The following DLGAP2 variants were observed in gnomAD, a reference collection of about 807,000 sequenced individuals.
DLGAP2 encodes the protein DLG associated protein 2.
A neutral mutation model predicts 100.3 loss-of-function variants in DLGAP2; 26 were observed. The observed-to-expected ratio is 0.26, with a 90% CI of 0.19 to 0.36. DLGAP2 has a LOEUF of 0.36. Ranked by LOEUF, DLGAP2 falls within the 10% of genes least tolerant of loss-of-function variation. The pLI is 1.00. For synonymous variants in DLGAP2, 886 were observed against 630.1 expected (o/e 1.41, Z -6.08); for missense variants, 1,858 against 1,453.2 (o/e 1.28, Z -4.53).
intron 2 of DLGAP2, among the ~76,000 whole-genome samples, chr8:1,088,788 A>G (rs1310438780): frequency 9.3e-4 from 25 of 26,988 alleles, no homozygotes; most frequent in Middle Eastern, 0.024. Context: ...TGCAATTCTC[A>G]CTCCCCCCAC....
chr8:1,151,774 C>T (rs80204892), intron 2 of DLGAP2, among the ~76,000 whole-genome samples: 1 of 152,184 alleles, frequency 6.6e-6, no homozygotes, highest in African/African-American at 2.4e-5. Flanking sequence ...TTAGGTTGTT[C>T]TGTTTACACG....
intron 2 of DLGAP2, among the ~76,000 whole-genome samples, chr8:1,020,288 A>G (rs1312749902): frequency 6.6e-6 from 1 of 152,186 alleles, no homozygotes; most frequent in Non-Finnish European, 1.5e-5. Context: ...GTGACCGTTA[A>G]TTGCTAACCT....
intron 3 of DLGAP2, among the ~76,000 whole-genome samples, chr8:1,377,413 A>G (rs747944639): frequency 1.6e-4 from 25 of 152,318 alleles, no homozygotes; most frequent in Non-Finnish European, 2.8e-4. Context: ...GCGAGGTGGC[A>G]GGCGCCTATA....
chr8:985,694 CTT>C (rs1292333098), intron 2 of DLGAP2, among the ~76,000 whole-genome samples: 1 of 152,136 alleles, frequency 6.6e-6, no homozygotes, highest in Non-Finnish European at 1.5e-5. Flanking sequence ...AATATTTTGC[CTT>C]TGTTAATTTC....
intron 2 of DLGAP2, among the ~76,000 whole-genome samples, chr8:1,048,645 C>T (rs191458609): frequency 1.3e-5 from 2 of 151,844 alleles, no homozygotes; most frequent in Non-Finnish European, 2.9e-5. Context: ...GGGCTCAAAC[C>T]ACATGCCTTG....
chr8:1,475,135 G>C (rs1318891844), intron 3 of DLGAP2, among the ~76,000 whole-genome samples: 2 of 152,208 alleles, frequency 1.3e-5, no homozygotes, highest in East Asian at 3.9e-4. Context: ...AATACTGCAC[G>C]TTCTCACTCA....
At chr8:1,666,148 T>C (rs557179403) in intron 8 of DLGAP2, among the ~76,000 whole-genome samples, 1 of 152,324 alleles carries the variant, frequency 6.6e-6, no homozygotes, top group South Asian at 2.1e-4. Context: ...CTTGGGAACT[T>C]TCTGAGTCTC....
At chr8:1,284,650 T>G (rs10100618) in intron 3 of DLGAP2, among the ~76,000 whole-genome samples, 4 of 151,992 alleles carry the variant, frequency 2.6e-5, no homozygotes, top group Admixed American at 6.5e-5. Flanking sequence ...TTATTATTAT[T>G]TTGCTCTGTC....
intron 1 of DLGAP2, among the ~76,000 whole-genome samples, chr8:738,382 G>T (rs556357753): frequency 2.0e-5 from 3 of 151,912 alleles, no homozygotes; most frequent in Admixed American, 2.0e-4. Flanking sequence ...GTGCCGGGCA[G>T]CAGCGGCTGC....
chr8:1,028,279 T>C lies in DLGAP2; in HGVS notation c.73+120313T>C, dbSNP rs1291458065. Among the ~76,000 whole-genome samples, 3 of 138,284 alleles carry C rather than the reference T, an allele frequency of 2.2e-5. No individual in the cohort carries two copies. The East Asian group carries it at 7.0e-4, about 32-fold the overall frequency. 90.7% of individuals were successfully genotyped at this position (138,284 alleles called of 152,430 possible). On this transcript the variant is annotated intron_variant, in intron 2 of 14. Coordinates refer to ENST00000637795, the MANE Select transcript of DLGAP2 (RefSeq NM_001346810.2). ...GGCGCCCGTTATTCTCCAGGTGGGG[T>C]GTCAGGCGCCCGTTATTCTCCAGGT...
At chr8:1,369,016 A>C (rs1272203663) in intron 3 of DLGAP2, 1 of 152,190 alleles carries the variant, frequency 6.6e-6, no homozygotes, top group Non-Finnish European at 1.5e-5. Flanking sequence ...CGGTGCCCGG[A>C]GTGGGACACA....
chr8:1,462,361 A>G (rs1214512140), intron 3 of DLGAP2, among the ~76,000 whole-genome samples: 2 of 91,482 alleles, frequency 2.2e-5, no homozygotes, highest in Non-Finnish European at 4.4e-5. Context: ...GCAGTCGCTG[A>G]TTCAGTGACC....
Position 1,079,757 on chromosome 8 carries a change from C to T in DLGAP2, c.73+171791C>T, listed in dbSNP as rs551818076. On this transcript the variant is annotated intron_variant, in intron 2 of 14. Coordinates refer to ENST00000637795, the MANE Select transcript of DLGAP2 (RefSeq NM_001346810.2). The stretch of plus-strand genomic sequence containing the variant: ...GACATAAATAGCAGCAATCCAAGGC[C>T]GATGAGAAGTGTCTGCAAGATGAGC... Among the ~76,000 whole-genome samples the T allele has an allele frequency of 4.6e-5, 7 of 152,176 alleles. No individual in the cohort carries two copies. The South Asian group carries it at 6.3e-4, about 14-fold the overall frequency.
intron 2 of DLGAP2, among the ~76,000 whole-genome samples, chr8:1,114,931 C>T (rs1563199547): frequency 6.6e-6 from 1 of 152,148 alleles, no homozygotes; most frequent in Non-Finnish European, 1.5e-5. Context: ...TTCTTGATTT[C>T]TGCCTTAATT....
chr8:1,032,981 G>C (rs541636490), intron 2 of DLGAP2: 1 of 152,392 alleles, frequency 6.6e-6, no homozygotes, highest in East Asian at 1.9e-4. Context: ...GATACCCAAA[G>C]GGTGATCGTG....
At chr8:1,258,198 T>C (rs1028597905) in intron 2 of DLGAP2, among the ~76,000 whole-genome samples, 2 of 152,236 alleles carry the variant, frequency 1.3e-5, no homozygotes, top group Admixed American at 1.3e-4. Context: ...TGAAAGGAGA[T>C]GTAACAGAGC....
intron 2 of DLGAP2, among the ~76,000 whole-genome samples, chr8:1,037,365 C>T (rs1172715798): frequency 6.6e-6 from 1 of 152,144 alleles, no homozygotes; most frequent in Non-Finnish European, 1.5e-5. Context: ...ATCTGCTGTT[C>T]CGCCTCGGGC....
chr8:1,640,648 C>T (rs539305939), intron 8 of DLGAP2, among the ~76,000 whole-genome samples: 2 of 152,270 alleles, frequency 1.3e-5, no homozygotes, highest in South Asian at 4.1e-4. Flanking sequence ...GACGCCATCC[C>T]TGTGTCCCGG....
chr8:816,304 A>G (rs1296152721), intron 1 of DLGAP2, among the ~76,000 whole-genome samples: 5 of 140,258 alleles, frequency 3.6e-5, no homozygotes, highest in African/African-American at 1.3e-4. Context: ...CATTGTTGTT[A>G]TATGTAATAG....
Sources: gnomAD v4.1 joint callset for allele counts (sites outside exome capture counted in the v4.1 genomes callset) on GRCh38, gnomAD v4.1.1 for gene constraint, MANE v1.5 for transcripts, NCBI Gene and HGNC (gene_info 2026-07-23, HGNC 2026-07-21) for gene names.